ANKRD28: variants seen among roughly 807,000 people sequenced by gnomAD.
ANKRD28 encodes serine/threonine-protein phosphatase 6 regulatory ankyrin repeat subunit A.
ANKRD28 carries 44 observed loss-of-function variants against 126.5 expected under a neutral mutation model. That is an observed-to-expected ratio of 0.35 (90% CI 0.27 to 0.45). The LOEUF (loss-of-function observed/expected upper bound fraction) is 0.45. Ranked by LOEUF, ANKRD28 falls within the 20% of genes least tolerant of loss-of-function variation. ANKRD28 has a pLI of 1.00. For missense variants in ANKRD28, 1,110 were observed against 1,316.6 expected, an observed-to-expected ratio of 0.84 and a Z score of 2.43; for synonymous variants, 442 against 468.5, an observed-to-expected ratio of 0.94 and a Z score of 0.73.
At position 15,825,749 on chromosome 3, in the gene ANKRD28, T is replaced by C. The variant is rs185751348; in HGVS notation, c.28-30443A>G. Among the ~76,000 whole-genome samples, 226 of 152,028 alleles carry C rather than the reference T, an allele frequency of 1.5e-3. 3 individuals are homozygous for C. The highest frequency in any genetic ancestry group is 4.3e-3 in the African/African-American group (177 of 41,484). Reference sequence around the variant, plus strand: ...AAAAGATTCATAGCCTACCTACAGATAGATAGATAATAGAGATATATACTT... The same window carrying C: ...AAAAGATTCATAGCCTACCTACAGACAGATAGATAATAGAGATATATACTT... On this transcript the variant is annotated intron_variant, in intron 1 of 27. Transcript: ENST00000399451.
upstream of ANKRD28, chr3:15,859,775 G>T (rs1201074011): frequency 6.6e-6 from 1 of 152,624 alleles, no homozygotes; most frequent in Non-Finnish European, 1.5e-5. Context: ...CGGCCGCGCC[G>T]TTCCAGCCCG....
At chr3:15,777,526 C>T (rs1052658561) in intron 2 of ANKRD28, among the ~76,000 whole-genome samples, 6 of 152,000 alleles carry the variant, frequency 3.9e-5, no homozygotes, top group African/African-American at 1.2e-4. Context: ...AATGATGAAA[C>T]CTTGACCTAC....
chr3:15,731,873 AAGGG>A (rs2074639456), intron 6 of ANKRD28: 3 of 114,452 alleles, frequency 2.6e-5, no homozygotes, highest in African/African-American at 1.1e-4. Flanking sequence ...AAAAAAAAAA[AAGGG>A]GGGGGGGGTG....
intron 1 of ANKRD28, among the ~76,000 whole-genome samples, chr3:15,852,997 C>T (rs973418345): frequency 3.9e-5 from 6 of 151,916 alleles, no homozygotes; most frequent in East Asian, 1.9e-4. Flanking sequence ...AAATCAGTAT[C>T]GCTTAAGGAG....
chr3:15,699,881 C>G, intron 14 of ANKRD28, among the ~76,000 whole-genome samples: 1 of 152,160 alleles, frequency 6.6e-6, no homozygotes, highest in East Asian at 1.9e-4. Context: ...CATCCCATTA[C>G]TGGGTATATA....
chr3:15,856,625 C>G (rs982348184), intron 1 of ANKRD28, among the ~76,000 whole-genome samples: 3 of 152,154 alleles, frequency 2.0e-5, no homozygotes, highest in Non-Finnish European at 4.4e-5. Flanking sequence ...TTTTCATCTA[C>G]TCACAGTCAG....
At chr3:15,766,145 C>A in intron 3 of ANKRD28, 89 bp downstream of exon 3, 1 of 933,724 alleles carries the variant, frequency 1.1e-6, no homozygotes, top group African/African-American at 1.7e-5. Flanking sequence ...AACAACAGGC[C>A]ATGCAGTAAA....
intron 6 of ANKRD28, among the ~76,000 whole-genome samples, chr3:15,727,316 C>T (rs1259273565): frequency 6.6e-6 from 1 of 152,004 alleles, no homozygotes; most frequent in East Asian, 1.9e-4. Flanking sequence ...GTGCCTCACG[C>T]CTGTAATCCC....
intron 5 of ANKRD28, 77 bp from the exon 6 acceptor site, chr3:15,735,574 T>G: frequency 9.1e-7 from 1 of 1,101,710 alleles, no homozygotes; most frequent in African/African-American, 1.6e-5. Context: ...TGACAGTTAC[T>G]TATCTCAACT....
chr3:15,768,255 T>C (rs2058840232), intron 2 of ANKRD28, among the ~76,000 whole-genome samples: 1 of 152,220 alleles, frequency 6.6e-6, no homozygotes, highest in Non-Finnish European at 1.5e-5. Flanking sequence ...TAGGAATCCC[T>C]TAATTACTTT....
chr3:15,799,069 A>C (rs1575728348), upstream of ANKRD28, among the ~76,000 whole-genome samples: 1 of 152,132 alleles, frequency 6.6e-6, no homozygotes, highest in East Asian at 1.9e-4. Context: ...TATTTTAAAC[A>C]CATACTCTTT....
At position 15,796,437 on chromosome 3, in the gene ANKRD28, A is replaced by G. The variant is rs578009425; in HGVS notation, c.85T>C (p.Ser29Pro). The G allele has an allele frequency of 1.7e-4, 214 of 1,288,392 alleles. 4 individuals carry two copies. The South Asian group carries it at 2.0e-3, about 12-fold the overall frequency. 79.8% of individuals were successfully genotyped at this position (1,288,392 alleles called of 1,614,324 possible). The change falls in exon 1 of 28, where the codon TCC (serine) becomes CCC (proline). Residue 29 changes from serine to proline, a missense_variant. Coordinates refer to ENST00000683139, the MANE Select transcript of ANKRD28 (RefSeq NM_001349278.2). Reference sequence around the variant, plus strand: ...TTTCCAGAAGGTGGAGAATGTAGGGATTTATTTTCCTGTGGCAATTTAGAA... The same window carrying G: ...TTTCCAGAAGGTGGAGAATGTAGGGGTTTATTTTCCTGTGGCAATTTAGAA... ...FISKLPQENK[S>P]LHSPPSGNVL...
chr3:15,767,730 A>G, intron 2 of ANKRD28, among the ~76,000 whole-genome samples: 1 of 108,906 alleles, frequency 9.2e-6, no homozygotes, highest in African/African-American at 3.4e-5. Context: ...AAAAAAAAAA[A>G]AAAAAAAAAA....
At chr3:15,684,215 A>C (rs570540066) in intron 21 of ANKRD28, 1 of 152,318 alleles carries the variant, frequency 6.6e-6, no homozygotes, top group Admixed American at 6.5e-5. Context: ...TCATTGCATA[A>C]ATTATTTTAA....
chr3:15,732,861 TG>T, intron 6 of ANKRD28: 1 of 152,248 alleles, frequency 6.6e-6, no homozygotes, highest in East Asian at 1.9e-4. Context: ...AAAAAGGAGA[TG>T]GCTGCTTTAA....
chr3:15,753,424 T>C (rs754036742), intron 3 of ANKRD28, among the ~76,000 whole-genome samples: 32 of 152,260 alleles, frequency 2.1e-4, no homozygotes, highest in Admixed American at 4.6e-4. Context: ...CCCACTTATC[T>C]GCTTAGGACT....
intron 4 of ANKRD28, 57 bp downstream of exon 4, chr3:15,751,693 G>T: frequency 9.1e-7 from 1 of 1,099,022 alleles, no homozygotes; most frequent in South Asian, 1.4e-5. Flanking sequence ...ATGGATTCAG[G>T]GGTACGCCTA....
At chr3:15,738,461 T>G (rs2075188181) in intron 4 of ANKRD28, 1 of 152,234 alleles carries the variant, frequency 6.6e-6, no homozygotes. Context: ...TTAACATTGC[T>G]AATGAAGTTT....
chr3:15,809,617 G>T (rs2060665314), intron 1 of ANKRD28, among the ~76,000 whole-genome samples: 1 of 152,160 alleles, frequency 6.6e-6, no homozygotes, highest in African/African-American at 2.4e-5. Flanking sequence ...GAAAGAATGG[G>T]GGAGGATGGG....
Sources: allele counts gnomAD v4.1 joint callset (sites outside exome capture counted in the v4.1 genomes callset), GRCh38; gene constraint gnomAD v4.1.1; transcripts MANE v1.5; gene names NCBI Gene and HGNC (gene_info 2026-07-23, HGNC 2026-07-21).